Variants in SMYD3 observed in about 807,000 individuals in gnomAD.
SMYD3 encodes the protein SET and MYND domain containing 3.
In SMYD3, 36 loss-of-function variants were observed where a neutral mutation model predicts 57.7. The ratio of observed to expected loss-of-function variants is 0.62; its 90% CI spans 0.48 to 0.82. The LOEUF is 0.82. Among genes scored for constraint, SMYD3 ranks in the 40% least tolerant of loss-of-function variants. SMYD3 has a pLI of 0.00. For missense variants in SMYD3, 515 were observed against 538.8 expected (o/e 0.96, Z 0.44); for synonymous variants, 211 against 195.0 (o/e 1.08, Z -0.68).
At chr1:246,133,732 G>A (rs965011107) in intron 5 of SMYD3, among the ~76,000 whole-genome samples, 2 of 152,002 alleles carry the variant, frequency 1.3e-5, no homozygotes, top group Non-Finnish European at 2.9e-5. Flanking sequence ...GGAGAAAGAG[G>A]GAGAACACAT....
chr1:246,474,344 C>A (rs2103052014), intron 1 of SMYD3, among the ~76,000 whole-genome samples: 1 of 152,036 alleles, frequency 6.6e-6, no homozygotes, highest in South Asian at 2.1e-4. Flanking sequence ...ACGGTGAAAT[C>A]CTGTCTCTAC....
intron 5 of SMYD3, among the ~76,000 whole-genome samples, chr1:245,994,515 A>T (rs2058883966): frequency 6.6e-6 from 1 of 152,088 alleles, no homozygotes. Flanking sequence ...CACCCTCTGA[A>T]ATAAGCATTT....
chr1:246,105,576 A>G (rs1254296137), intron 5 of SMYD3, among the ~76,000 whole-genome samples: 3 of 152,198 alleles, frequency 2.0e-5, no homozygotes, highest in East Asian at 3.9e-4. Flanking sequence ...AATGTCTACA[A>G]TTTGGAAAGA....
intron 5 of SMYD3, among the ~76,000 whole-genome samples, chr1:245,948,243 C>T (rs1469524660): frequency 2.0e-5 from 3 of 152,060 alleles, no homozygotes; most frequent in East Asian, 1.9e-4. Flanking sequence ...AGGACGGAAT[C>T]GCAACTGGAA....
intron 11 of SMYD3, among the ~76,000 whole-genome samples, chr1:245,751,108 T>C (rs1181480859): frequency 6.6e-6 from 1 of 152,378 alleles, no homozygotes; most frequent in East Asian, 1.9e-4. Flanking sequence ...TTGTTGTATA[T>C]AATGAATGCC....
At chr1:245,799,210 A>G (rs1254556629) in intron 10 of SMYD3, among the ~76,000 whole-genome samples, 1 of 152,190 alleles carries the variant, frequency 6.6e-6, no homozygotes, top group African/African-American at 2.4e-5. Flanking sequence ...GTCCTCCTAC[A>G]CAGCTGTGCA....
At chr1:246,269,145 A>G (rs1251130482) in intron 5 of SMYD3, among the ~76,000 whole-genome samples, 2 of 152,184 alleles carry the variant, frequency 1.3e-5, no homozygotes, top group Non-Finnish European at 2.9e-5. Flanking sequence ...TTCAAGGCCC[A>G]GGGTTAAGGC....
chr1:246,379,949 G>A (rs976720232), intron 1 of SMYD3, among the ~76,000 whole-genome samples: 1 of 151,392 alleles, frequency 6.6e-6, no homozygotes, highest in East Asian at 1.9e-4. Context: ...GCACCTCCCA[G>A]GGAGGTCGAG....
chr1:245,948,224 C>T (rs111691622), intron 5 of SMYD3, among the ~76,000 whole-genome samples: 140 of 152,152 alleles, frequency 9.2e-4, no homozygotes, highest in Non-Finnish European at 1.6e-3. Context: ...AAAGAAGAAT[C>T]GAAACAGCAG....
chr1:246,308,583 C>A (rs537241423), intron 5 of SMYD3, among the ~76,000 whole-genome samples: 3 of 152,276 alleles, frequency 2.0e-5, no homozygotes, highest in African/African-American at 7.2e-5. Context: ...AAACCCCCTA[C>A]CAAACTGACA....
intron 5 of SMYD3, among the ~76,000 whole-genome samples, chr1:246,224,831 A>G (rs376708737): frequency 3.9e-4 from 59 of 152,198 alleles, no homozygotes; most frequent in African/African-American, 1.3e-3. Context: ...AGTAATGACT[A>G]GATTTTTGTA....
chr1:246,048,111 T>C (rs1342161569), intron 5 of SMYD3, among the ~76,000 whole-genome samples: 1 of 151,858 alleles, frequency 6.6e-6, no homozygotes, highest in South Asian at 2.1e-4. Context: ...AATGAAAAAA[T>C]GAATAGTACA....
chr1:246,360,075 T>C (rs916449915), intron 1 of SMYD3, among the ~76,000 whole-genome samples: 3 of 152,032 alleles, frequency 2.0e-5, no homozygotes, highest in Non-Finnish European at 2.9e-5. Context: ...CAAAGACTCA[T>C]CCAAAAGCTC....
intron 5 of SMYD3, among the ~76,000 whole-genome samples, chr1:246,054,807 A>C: frequency 6.6e-6 from 1 of 150,804 alleles, no homozygotes; most frequent in East Asian, 2.0e-4. Flanking sequence ...AACATTAGTA[A>C]TCATTAGGAA....
intron 5 of SMYD3, among the ~76,000 whole-genome samples, chr1:246,221,590 C>T (rs935574825): frequency 6.6e-6 from 1 of 152,216 alleles, no homozygotes; most frequent in Non-Finnish European, 1.5e-5. Context: ...TCACCACATT[C>T]CCCGGTGCCA....
chr1:245,767,344 G>A (rs1037575468), intron 10 of SMYD3, among the ~76,000 whole-genome samples: 12 of 152,150 alleles, frequency 7.9e-5, no homozygotes, highest in African/African-American at 2.9e-4. Flanking sequence ...TTCCGGGTCC[G>A]GCCCCATAAG....
chr1:246,469,615 T>C (rs894271294), intron 1 of SMYD3, among the ~76,000 whole-genome samples: 2 of 151,592 alleles, frequency 1.3e-5, no homozygotes, highest in Non-Finnish European at 2.9e-5. Flanking sequence ...ATGGAACAAA[T>C]AGGAACCCAT....
chr1:245,990,191 T>A (rs2058786996), intron 5 of SMYD3, among the ~76,000 whole-genome samples: 1 of 152,164 alleles, frequency 6.6e-6, no homozygotes, highest in African/African-American at 2.4e-5. Context: ...CGCCTCATCG[T>A]CCTGAGTAGC....
intron 5 of SMYD3, among the ~76,000 whole-genome samples, chr1:246,229,300 TTA>T (rs542079623): frequency 2.0e-5 from 3 of 151,934 alleles, no homozygotes; most frequent in African/African-American, 7.2e-5. Context: ...CTTACTAATT[TTA>T]AAAAAAAGGG....
Sources: gnomAD v4.1 joint callset for allele counts (sites outside exome capture counted in the v4.1 genomes callset) on GRCh38, gnomAD v4.1.1 for gene constraint, MANE v1.5 for transcripts, NCBI Gene and HGNC (gene_info 2026-07-23, HGNC 2026-07-21) for gene names.